Variants in DMD observed in about 807,000 individuals in gnomAD.
DMD encodes dystrophin.
DMD carries 63 observed loss-of-function variants against 330.1 expected under a neutral mutation model. The ratio of observed to expected loss-of-function variants is 0.19; its 90% CI spans 0.16 to 0.24. The LOEUF (loss-of-function observed/expected upper bound fraction) is 0.24. Among genes scored for constraint, DMD ranks in the 10% least tolerant of loss-of-function variants. DMD has a pLI of 1.00. For missense variants in DMD, 3,344 were observed against 2,684.1 expected (o/e 1.25, Z -5.43); for synonymous variants, 1,223 against 959.8 (o/e 1.27, Z -5.07).
chrX:32,694,891 G>T (rs2147528890), intron 9 of DMD, among the ~76,000 whole-genome samples: 1 of 111,737 alleles, frequency 8.9e-6, no homozygotes, highest in East Asian at 2.8e-4. Flanking sequence ...CTGACCTCAG[G>T]TGATCCACCC....
chrX:33,153,240 G>A lies in DMD; in HGVS notation c.31+58042C>T, dbSNP rs148049139. Among the ~76,000 whole-genome samples the A allele has an allele frequency of 5.3e-3, 596 of 112,431 alleles. 5 individuals are homozygous for A. Among genetic ancestry groups the A allele is most frequent in the African/African-American group, 0.019 (581 of 30,986 alleles). ...AGCCTGACCAACATGGAGAAACCCC[G>A]TTTCTATTAAAAATACAAAGTTAGC... On this transcript the variant is annotated intron_variant, in intron 1 of 78. Coordinates refer to ENST00000357033, the MANE Select transcript of DMD (RefSeq NM_004006.3).
intron 47 of DMD, among the ~76,000 whole-genome samples, chrX:31,906,156 CTT>C (rs2094476429): frequency 9.0e-6 from 1 of 111,581 alleles, no homozygotes; most frequent in Non-Finnish European, 1.9e-5. Flanking sequence ...GCTTTTCCCT[CTT>C]TTGCTCATTC....
chrX:32,273,949 G>A (rs1191804072), intron 43 of DMD, among the ~76,000 whole-genome samples: 1 of 111,988 alleles, frequency 8.9e-6, no homozygotes, highest in South Asian at 3.7e-4. Context: ...AAAATAAAGA[G>A]AGTTTCTGGG....
At chrX:32,595,666 T>C in intron 13 of DMD, 91 bp downstream of exon 13, 1 of 867,308 alleles carries the variant, frequency 1.2e-6, no homozygotes, top group South Asian at 2.2e-5. Flanking sequence ...AGTATTTTAA[T>C]ATATAAATTG....
chrX:31,572,834 C>T (rs150962161), intron 55 of DMD, among the ~76,000 whole-genome samples: 2,599 of 112,180 alleles, frequency 0.023, 29 homozygotes, highest in Middle Eastern at 0.041. Context: ...GTTCTAAGTA[C>T]TTGGAATTCA....
chrX:33,175,645 G>C (rs893009824), intron 1 of DMD, among the ~76,000 whole-genome samples: 2 of 111,851 alleles, frequency 1.8e-5, no homozygotes, highest in African/African-American at 6.5e-5. Context: ...TGACTACAGA[G>C]TCAGACACAC....
intron 7 of DMD, among the ~76,000 whole-genome samples, chrX:32,804,644 C>T (rs988130861): frequency 8.0e-5 from 9 of 112,515 alleles, no homozygotes; most frequent in Non-Finnish European, 1.5e-4. Context: ...ATTGCCTTCT[C>T]AAGTGGGGCC....
At chrX:32,541,778 A>G (rs2048504835) in intron 17 of DMD, among the ~76,000 whole-genome samples, 1 of 101,623 alleles carries the variant, frequency 9.8e-6, no homozygotes, top group South Asian at 4.8e-4. Context: ...TAACAAACCT[A>G]CACGTTAACC....
chrX:32,205,041 A>ACACC (rs1177814403), intron 44 of DMD, among the ~76,000 whole-genome samples: 99 of 73,595 alleles, frequency 1.3e-3, no homozygotes, highest in Non-Finnish European at 2.2e-3. Flanking sequence ...ACACACACAC[A>ACACC]CCCACACACA....
intron 47 of DMD, among the ~76,000 whole-genome samples, chrX:31,900,445 C>T (rs2094406736): frequency 9.0e-6 from 1 of 111,345 alleles, no homozygotes; most frequent in African/African-American, 3.3e-5. Flanking sequence ...TGCCCATCCA[C>T]GTAAGATGTG....
At chrX:32,269,085 G>A (rs966448578) in intron 43 of DMD, among the ~76,000 whole-genome samples, 5 of 111,342 alleles carry the variant, frequency 4.5e-5, no homozygotes, top group Non-Finnish European at 9.4e-5. Context: ...GATCGCAGGA[G>A]TTGGGCAAAT....
intron 74 of DMD, among the ~76,000 whole-genome samples, chrX:31,149,358 A>G (rs775212042): frequency 1.8e-5 from 2 of 112,244 alleles, no homozygotes; most frequent in East Asian, 5.6e-4. Flanking sequence ...CTCCAGCTTT[A>G]AATCAATTGA....
rs769509417 is a variant in DMD at position 32,290,193 on chromosome X, AGTGGTTCC to A, written c.6118-2500_6118-2493del. Among the ~76,000 whole-genome samples, 1,023 of 112,187 alleles carry A rather than the reference AGTGGTTCC, an allele frequency of 9.1e-3. 8 individuals are homozygous for A. Among genetic ancestry groups the A allele is most frequent in the African/African-American group, 0.031 (956 of 30,891 alleles). On this transcript the variant is annotated intron_variant, in intron 42 of 78. Coordinates refer to ENST00000357033, the MANE Select transcript of DMD (RefSeq NM_004006.3). ...AGTTTTCCTAACCCACATTTCTATC[AGTGGTTCC>A]CTTACTTCTTTCTCACGTTAAAGGG...
chrX:32,385,551 G>C (rs1372097750), intron 33 of DMD, among the ~76,000 whole-genome samples: 1 of 110,539 alleles, frequency 9.0e-6, no homozygotes, highest in Non-Finnish European at 1.9e-5. Context: ...GACTGTTATC[G>C]CATCAACCTA....
intron 6 of DMD, 79 bp downstream of exon 6, chrX:32,816,389 C>A (rs2045780254): frequency 1.8e-6 from 2 of 1,086,709 alleles, no homozygotes; most frequent in African/African-American, 1.8e-5. Context: ...TGATCTGGAA[C>A]CATACTGGGG....
At chrX:31,213,427 G>A (rs1210679343) in intron 64 of DMD, among the ~76,000 whole-genome samples, 1 of 109,487 alleles carries the variant, frequency 9.1e-6, no homozygotes, top group Non-Finnish European at 1.9e-5. Flanking sequence ...AGTATGCCTA[G>A]GTTACCCACG....
At chrX:31,938,935 C>CTGTG (rs1306933405) in intron 45 of DMD, among the ~76,000 whole-genome samples, 1 of 110,781 alleles carries the variant, frequency 9.0e-6, no homozygotes, top group Admixed American at 9.6e-5. Context: ...GTGTGTGTGT[C>CTGTG]TGTGTGTGTG....
intron 53 of DMD, 140 bp downstream of exon 53, chrX:31,679,235 C>A: frequency 1.7e-6 from 1 of 582,521 alleles, no homozygotes; most frequent in Non-Finnish European, 2.7e-6. Flanking sequence ...AATAAATATA[C>A]AAAGTCTACT....
At chrX:31,716,551 C>CAACAAAACAAAACAAAACAAAACAA (rs751730837) in intron 52 of DMD, among the ~76,000 whole-genome samples, 50 of 107,562 alleles carry the variant, frequency 4.6e-4, no homozygotes, top group African/African-American at 1.7e-3. Context: ...AACTCCATCT[C>CAACAAAACAAAACAAAACAAAACAA]AACAAAACAA....
Sources: allele counts gnomAD v4.1 joint callset (sites outside exome capture counted in the v4.1 genomes callset), GRCh38; gene constraint gnomAD v4.1.1; transcripts MANE v1.5; gene names NCBI Gene and HGNC (gene_info 2026-07-23, HGNC 2026-07-21).